Variants in TTL observed in about 807,000 individuals in gnomAD.
TTL encodes the protein tubulin tyrosine ligase.
A neutral mutation model predicts 41.1 loss-of-function variants in TTL; 10 were observed. That is an observed-to-expected ratio of 0.24 (90% CI 0.15 to 0.41). The LOEUF is 0.41. TTL is among the 10% of genes least tolerant of loss of function. The probability of loss-of-function intolerance (pLI) is 1.00; values close to 1 mark genes in which losing one functional copy is unlikely to be tolerated. For missense variants in TTL, 367 were observed against 460.4 expected (o/e 0.80, Z 1.86); for synonymous variants, 175 against 175.5 (o/e 1.00, Z 0.02).
chr2:112,488,411 AC>A (rs1207401692), intron 2 of TTL, among the ~76,000 whole-genome samples: 2 of 152,196 alleles, frequency 1.3e-5, no homozygotes, highest in Non-Finnish European at 2.9e-5. Context: ...ATAGGATGCT[AC>A]CCACACATGT....
intron 6 of TTL, among the ~76,000 whole-genome samples, chr2:112,523,921 A>T (rs1038891110): frequency 2.0e-5 from 3 of 151,476 alleles, no homozygotes; most frequent in Non-Finnish European, 2.9e-5. Context: ...ATTAGGTATA[A>T]CTCCTAATGT....
At chr2:112,522,997 A>G (rs1682282406) in intron 6 of TTL, among the ~76,000 whole-genome samples, 1 of 152,152 alleles carries the variant, frequency 6.6e-6, no homozygotes, top group Admixed American at 6.5e-5. Context: ...GCCATTCTCC[A>G]GACTTGCCAT....
At chr2:112,491,267 A>G (rs1329443441) in intron 2 of TTL, among the ~76,000 whole-genome samples, 5 of 152,210 alleles carry the variant, frequency 3.3e-5, no homozygotes, top group South Asian at 2.1e-4. Flanking sequence ...CTGAGATTAT[A>G]GGCGTGAGCC....
chr2:112,503,640 T>A (rs1416724234), intron 5 of TTL, among the ~76,000 whole-genome samples: 1 of 145,634 alleles, frequency 6.9e-6, no homozygotes, highest in Non-Finnish European at 1.5e-5. Context: ...TCCATGTTGG[T>A]CAGTCTGGTC....
At chr2:112,511,112 G>A (rs1053712947) in intron 5 of TTL, among the ~76,000 whole-genome samples, 8 of 152,008 alleles carry the variant, frequency 5.3e-5, no homozygotes, top group African/African-American at 1.9e-4. Context: ...TAACCTCCTG[G>A]GCTCAAGCGT....
chr2:112,482,818 C>T lies in TTL; in HGVS notation c.157+317C>T, dbSNP rs1296355516. ...ACCTGAGGCGCGAGTCTAGCGGCTCCCCCGGGCCGAAGCCCCCAGATTTGG... is the reference window on the plus strand; with the variant it reads ...ACCTGAGGCGCGAGTCTAGCGGCTCTCCCGGGCCGAAGCCCCCAGATTTGG... On this transcript the variant is annotated intron_variant, in intron 1 of 6. Transcript: ENST00000233336. The surrounding 1 kb of genome is among the most constrained non-coding windows in gnomAD (Gnocchi z 5.3). Among the ~76,000 whole-genome samples, 1 of 152,218 alleles carries T rather than the reference C, an allele frequency of 6.6e-6. No homozygotes were observed. The highest frequency in any genetic ancestry group is 1.5e-5 in the Non-Finnish European group (1 of 68,032).
chr2:112,499,901 A>G (rs1286020999), intron 3 of TTL, among the ~76,000 whole-genome samples: 1 of 152,242 alleles, frequency 6.6e-6, no homozygotes, highest in East Asian at 1.9e-4. Flanking sequence ...GAGAATTGAA[A>G]ATATATGTTC....
intron 3 of TTL, among the ~76,000 whole-genome samples, chr2:112,497,029 C>G (rs1681552547): frequency 6.6e-6 from 1 of 151,920 alleles, no homozygotes; most frequent in South Asian, 2.1e-4. Flanking sequence ...ACCACATTAG[C>G]CAGGATGGTC....
intron 3 of TTL, among the ~76,000 whole-genome samples, chr2:112,500,387 A>G (rs1396360981): frequency 6.6e-6 from 1 of 152,144 alleles, no homozygotes; most frequent in Non-Finnish European, 1.5e-5. Flanking sequence ...CCTGGCCAAC[A>G]TGGTGAAACC....
At position 112,534,305 on chromosome 2, in the gene TTL, C is replaced by T. The variant is rs1682561186; in HGVS notation, c.*5510C>T. ...ACTGCACTCCATCCAGCCTGGGTGA[C>T]AGTGCGAGACTCTGTCTCAAAAAAA... is the stretch of plus-strand genomic sequence containing the variant. On this transcript the variant is annotated 3_prime_UTR_variant, in exon 7 of 7. Transcript: ENST00000233336. 8.4e-6 allele frequency: 1 copy of T among 119,704 alleles called. No individual in the cohort carries two copies. The highest frequency in any genetic ancestry group is 2.8e-4 in the South Asian group (1 of 3,530). The allele number at this position is 119,704 out of a possible 1,614,324, so 7.4% of individuals were successfully genotyped here.
intron 3 of TTL, 130 bp from the exon 4 acceptor site, chr2:112,501,076 G>C: frequency 1.3e-6 from 1 of 793,506 alleles, no homozygotes; most frequent in Non-Finnish European, 1.9e-6. Context: ...AGTAAGGAAG[G>C]GAGGGAAAAA....
intron 5 of TTL, among the ~76,000 whole-genome samples, chr2:112,510,477 C>CT (rs997890997): frequency 7.9e-4 from 116 of 145,940 alleles, no homozygotes; most frequent in South Asian, 2.2e-3. Flanking sequence ...TGAGATATTT[C>CT]TTTTTTTTTT....
chr2:112,521,152 G>C, intron 6 of TTL: 1 of 983,850 alleles, frequency 1.0e-6, no homozygotes, highest in Non-Finnish European at 1.2e-6. Context: ...TGCACCAAAG[G>C]TTGGTGGGGA....
In TTL at chr2:112,503,030, A is replaced by G. The variant is rs764732891; in HGVS notation, c.724A>G (p.Asn242Asp). ...CCAAGACAAAACCTGCCATTTGACC[A>G]ATCACTGCATTCAAAAAGAGTATTC... Reference protein sequence around the residue: ...NFQDKTCHLTNHCIQKEYSKN... With the variant: ...NFQDKTCHLTDHCIQKEYSKN... The change falls in exon 5 of 7, where the codon AAT becomes GAT. Residue 242 changes from asparagine (N) to aspartate (D), a missense_variant. Transcript: ENST00000233336. The G allele has an allele frequency of 6.2e-7, 1 of 1,614,120 alleles. No individual in the cohort carries two copies.
At chr2:112,501,968 G>T (rs1035240618) in intron 4 of TTL, among the ~76,000 whole-genome samples, 8 of 152,172 alleles carry the variant, frequency 5.3e-5, no homozygotes. Flanking sequence ...TGAGAGATGT[G>T]CATGGAACAC....
intron 6 of TTL, chr2:112,522,067 A>C (rs1045202193): frequency 6.6e-6 from 1 of 152,380 alleles, no homozygotes; most frequent in Non-Finnish European, 1.5e-5. Context: ...CTCATCTGGC[A>C]GTTAACATTG....
At chr2:112,512,577 A>G (rs1195981495) in intron 5 of TTL, among the ~76,000 whole-genome samples, 1 of 151,770 alleles carries the variant, frequency 6.6e-6, no homozygotes, top group African/African-American at 2.4e-5. Context: ...TTGTATTTTT[A>G]GTAGAGATGA....
rs187450763 is a variant in TTL, at chr2:112,509,383, C to G, written c.875+6202C>G. 9.9e-3 allele frequency among the ~76,000 whole-genome samples: 1,509 copies of G among 152,252 alleles called. 10 individuals are homozygous for G. The highest frequency in any genetic ancestry group is 0.02 in the Middle Eastern group (6 of 294). Reference sequence around the variant, plus strand: ...TGGCTGCTTTGTTTACCTAATCAAGCCTGGGCAATGGCCGGCGCCCCTCCC... The same window carrying G: ...TGGCTGCTTTGTTTACCTAATCAAGGCTGGGCAATGGCCGGCGCCCCTCCC... On this transcript the variant is annotated intron_variant, in intron 5 of 6. Transcript: ENST00000233336.
Position 112,503,805 on chromosome 2 carries a change from C to CTT in TTL, c.875+643_875+644dup, listed in dbSNP as rs70963002. ...TTCTCATTCTTTTATCCGTAAACTTCTTTTTTTTTTTTTTTTTTTTATTAT... is the reference window on the plus strand; with the variant it reads ...TTCTCATTCTTTTATCCGTAAACTTCTTTTTTTTTTTTTTTTTTTTTTATTAT... On this transcript the variant is annotated intron_variant, in intron 5 of 6. Coordinates refer to ENST00000233336, the MANE Select transcript of TTL (RefSeq NM_153712.5). Among the ~76,000 whole-genome samples, 615 of 102,472 alleles carry CTT rather than the reference C, an allele frequency of 6.0e-3. 3 individuals carry two copies. Among genetic ancestry groups the CTT allele is most frequent in the African/African-American group, 0.014 (379 of 26,416 alleles). 67.2% of individuals were successfully genotyped at this position (102,472 alleles called of 152,430 possible).
Sources: gnomAD v4.1 joint callset for allele counts (sites outside exome capture counted in the v4.1 genomes callset) on GRCh38, gnomAD v4.1.1 for gene constraint, Gnocchi (gnomAD v3.1) non-coding constraint, MANE v1.5 for transcripts, NCBI Gene and HGNC (gene_info 2026-07-23, HGNC 2026-07-21) for gene names.